MGLL: variants seen among roughly 807,000 people sequenced by gnomAD.
MGLL encodes monoglyceride lipase, also known as lysophospholipase homolog.
MGLL carries 7 observed loss-of-function variants against 29.1 expected under a neutral mutation model. The ratio of observed to expected loss-of-function variants is 0.24; its 90% CI spans 0.14 to 0.45. The LOEUF (loss-of-function observed/expected upper bound fraction) is 0.45. MGLL is among the 20% of genes least tolerant of loss of function. MGLL has a pLI of 0.99. For synonymous variants in MGLL, 148 were observed against 168.3 expected (o/e 0.88, Z 0.93); for missense variants, 356 against 413.6 (o/e 0.86, Z 1.21).
At chr3:127,726,204 A>C (rs145797846) in intron 3 of MGLL, among the ~76,000 whole-genome samples, 2,516 of 115,336 alleles carry the variant, frequency 0.022, 53 homozygotes, top group South Asian at 0.047. Flanking sequence ...GAAAGAAAGA[A>C]AGACAGAAGG....
chr3:127,787,263 C>T (rs2077229688), intron 2 of MGLL, among the ~76,000 whole-genome samples: 1 of 152,244 alleles, frequency 6.6e-6, no homozygotes, highest in East Asian at 1.9e-4. Flanking sequence ...GAAAGGGGTT[C>T]ACCTCCACTG....
At chr3:127,806,338 G>A (rs2077565069) in intron 2 of MGLL, among the ~76,000 whole-genome samples, 1 of 152,232 alleles carries the variant, frequency 6.6e-6, no homozygotes, top group South Asian at 2.1e-4. Flanking sequence ...CATAGAGTTT[G>A]TGCTCAGTAA....
intron 3 of MGLL, among the ~76,000 whole-genome samples, chr3:127,737,362 G>A (rs999948827): frequency 2.0e-5 from 3 of 151,518 alleles, no homozygotes; most frequent in South Asian, 2.1e-4. Flanking sequence ...GCTCAGCCTC[G>A]TCACCTGCAA....
chr3:127,754,492 A>G (rs1007131169), intron 3 of MGLL, among the ~76,000 whole-genome samples: 12 of 152,176 alleles, frequency 7.9e-5, no homozygotes, highest in Admixed American at 2.6e-4. Context: ...ACCGGCGTTA[A>G]CTGGATGAGT....
At chr3:127,812,589 C>A (rs370317652) in intron 2 of MGLL, among the ~76,000 whole-genome samples, 2 of 152,170 alleles carry the variant, frequency 1.3e-5, no homozygotes, top group South Asian at 2.1e-4. Flanking sequence ...CTGTGACTGG[C>A]GCTTGCCATG....
intron 6 of MGLL, among the ~76,000 whole-genome samples, chr3:127,701,322 G>A (rs2075480406): frequency 1.3e-5 from 2 of 151,992 alleles, no homozygotes; most frequent in South Asian, 4.1e-4. Context: ...CTGAAGGCTG[G>A]AAACAGCTGT....
At chr3:127,775,970 C>G (rs1417895881) in intron 3 of MGLL, among the ~76,000 whole-genome samples, 1 of 152,238 alleles carries the variant, frequency 6.6e-6, no homozygotes, top group African/African-American at 2.4e-5. Context: ...TGAGTCACTG[C>G]AGCAGCTGGC....
At chr3:127,788,843 G>A (rs560802017) in intron 2 of MGLL, among the ~76,000 whole-genome samples, 12 of 152,248 alleles carry the variant, frequency 7.9e-5, no homozygotes, top group East Asian at 1.9e-4. Context: ...CCTAGCAGCC[G>A]GCACTGCCTC....
chr3:127,715,933 A>G (rs1176632506), intron 5 of MGLL: 2 of 416,722 alleles, frequency 4.8e-6, no homozygotes, highest in African/African-American at 4.1e-5. Flanking sequence ...GAATAGTCCT[A>G]CAGGAGCATT....
At chr3:127,763,901 T>G (rs771181564) in intron 3 of MGLL, among the ~76,000 whole-genome samples, 1 of 152,154 alleles carries the variant, frequency 6.6e-6, no homozygotes, top group Non-Finnish European at 1.5e-5. Flanking sequence ...CAGTGTGCAG[T>G]CTCAGCTGCG....
intron 3 of MGLL, among the ~76,000 whole-genome samples, chr3:127,760,032 C>A (rs1011677339): frequency 1.3e-5 from 2 of 152,136 alleles, no homozygotes; most frequent in Non-Finnish European, 2.9e-5. Context: ...TGGTTTTCTG[C>A]GTTGGAGAAA....
chr3:127,757,307 G>T (rs2076682123), intron 3 of MGLL, among the ~76,000 whole-genome samples: 1 of 152,026 alleles, frequency 6.6e-6, no homozygotes, highest in African/African-American at 2.4e-5. Context: ...AGTTTCGGGG[G>T]TATTTGTTAT....
At chr3:127,717,859 G>C (rs2075845122) in intron 5 of MGLL, among the ~76,000 whole-genome samples, 1 of 152,174 alleles carries the variant, frequency 6.6e-6, no homozygotes, top group African/African-American at 2.4e-5. Flanking sequence ...GGGGGCCACA[G>C]TTCCACCTCT....
chr3:127,796,558 G>T (rs2077386378), intron 2 of MGLL, among the ~76,000 whole-genome samples: 1 of 152,180 alleles, frequency 6.6e-6, no homozygotes, highest in African/African-American at 2.4e-5. Context: ...TGCGTGATTA[G>T]TGGTAGGGCA....
chr3:127,791,648 C>T (rs1349474657), intron 2 of MGLL, among the ~76,000 whole-genome samples: 2 of 152,224 alleles, frequency 1.3e-5, no homozygotes, highest in Non-Finnish European at 2.9e-5. Context: ...TTAACATGGG[C>T]TGTTTATCTC....
chr3:127,756,548 G>C (rs975853078), intron 3 of MGLL, among the ~76,000 whole-genome samples: 2 of 152,160 alleles, frequency 1.3e-5, no homozygotes, highest in Non-Finnish European at 2.9e-5. Flanking sequence ...TGCCCCCATG[G>C]TATGCTGTGG....
chr3:127,812,719 T>C (rs1262485046), intron 2 of MGLL, among the ~76,000 whole-genome samples: 1 of 152,194 alleles, frequency 6.6e-6, no homozygotes, highest in East Asian at 1.9e-4. Flanking sequence ...AGAGTTCACG[T>C]TGACCCCTCA....
At chr3:127,771,225 C>T (rs1157638206) in intron 3 of MGLL, among the ~76,000 whole-genome samples, 5 of 152,216 alleles carry the variant, frequency 3.3e-5, no homozygotes, top group African/African-American at 9.7e-5. Context: ...GGCTCCTGCA[C>T]CAACAGGAGC....
intron 2 of MGLL, among the ~76,000 whole-genome samples, chr3:127,783,002 C>T (rs967761764): frequency 6.6e-6 from 1 of 151,946 alleles, no homozygotes; most frequent in African/African-American, 2.4e-5. Context: ...TGGTGAAACT[C>T]CGTCACTATA....
Sources: gnomAD v4.1 joint callset for allele counts (sites outside exome capture counted in the v4.1 genomes callset) on GRCh38, gnomAD v4.1.1 for gene constraint, MANE v1.5 for transcripts, NCBI Gene and HGNC (gene_info 2026-07-23, HGNC 2026-07-21) for gene names.